The following CCZ1B variants were observed in gnomAD, a reference collection of about 807,000 sequenced individuals.
The protein encoded by CCZ1B is vacuolar fusion protein CCZ1 homolog B.
CCZ1B carries 25 observed loss-of-function variants against 58.8 expected under a neutral mutation model. The observed-to-expected ratio is 0.43, with a 90% confidence interval of 0.31 to 0.59. The LOEUF (loss-of-function observed/expected upper bound fraction) is 0.59. Ranked by LOEUF, CCZ1B falls within the 20% of genes least tolerant of loss-of-function variation. The pLI, the probability that CCZ1B is intolerant of heterozygous loss-of-function variation, is 0.12. For synonymous variants in CCZ1B, 66 were observed against 173.2 expected, an observed-to-expected ratio of 0.38 and a Z score of 4.86; for missense variants, 180 against 501.5, an observed-to-expected ratio of 0.36 and a Z score of 6.12.
intron 8 of CCZ1B, among the ~76,000 whole-genome samples, chr7:6,814,395 G>T (rs1782965115): frequency 6.7e-6 from 1 of 149,272 alleles, no homozygotes; most frequent in Non-Finnish European, 1.5e-5. Context: ...AATTAGCTGG[G>T]CGTGGTGGCG....
intron 7 of CCZ1B, among the ~76,000 whole-genome samples, chr7:6,819,269 C>G (rs1226772661): frequency 4.2e-5 from 6 of 142,346 alleles, no homozygotes; most frequent in Non-Finnish European, 9.0e-5. Flanking sequence ...CAGAGTCTCT[C>G]TCTGTTGCCA....
chr7:6,809,734 A>G (rs987062786), intron 10 of CCZ1B, among the ~76,000 whole-genome samples: 8 of 136,690 alleles, frequency 5.9e-5, no homozygotes, highest in Admixed American at 1.5e-4. Context: ...ACACCATGTG[A>G]TGAATGAAAC....
intron 12 of CCZ1B, among the ~76,000 whole-genome samples, chr7:6,804,671 C>T (rs1782811047): frequency 1.1e-5 from 1 of 90,168 alleles, no homozygotes; most frequent in Non-Finnish European, 2.2e-5. Flanking sequence ...ACAATCTGGG[C>T]TGGTGAAATG....
intron 3 of CCZ1B, 139 bp from the exon 4 acceptor site, chr7:6,824,305 TA>T (rs1266026671): frequency 2.0e-6 from 3 of 1,471,804 alleles, no homozygotes; most frequent in Non-Finnish European, 2.7e-6. Flanking sequence ...ATAAAGCAAA[TA>T]GGAAGAACTT....
intron 1 of CCZ1B, among the ~76,000 whole-genome samples, chr7:6,825,655 A>C (rs1783184114): frequency 8.1e-6 from 1 of 124,202 alleles, no homozygotes; most frequent in African/African-American, 3.2e-5. Context: ...ACACACACAC[A>C]CACACACACC....
Position 6,822,277 on chromosome 7 carries a change from T to C in CCZ1B, c.522+4A>G. 2 of 1,577,986 alleles carry C rather than the reference T, an allele frequency of 1.3e-6. No homozygotes were observed. Among genetic ancestry groups the C allele is most frequent in the South Asian group, 1.2e-5 (1 of 84,486 alleles). ...AAGTTATAAATGAAATTCAAAATAC[T>C]TACCCGATGGAAGAATTTCTCTAAT... On this transcript the variant is annotated splice_donor_region_variant and intron_variant, in intron 6 of 14. Coordinates refer to ENST00000316731, the MANE Select transcript of CCZ1B (RefSeq NM_198097.5).
rs1324444052 is a variant in CCZ1B, at chr7:6,822,543, T to C, written c.439-179A>G. 32 of 1,188,630 alleles carry C rather than the reference T, an allele frequency of 2.7e-5. 1 individual carries two copies. Among genetic ancestry groups the C allele is most frequent in the Non-Finnish European group, 2.5e-5 (22 of 890,516 alleles). 73.6% of individuals were successfully genotyped at this position (1,188,630 alleles called of 1,614,324 possible). A position where few individuals can be genotyped will look rare whatever the true frequency, so the allele number is the denominator to read the frequency against. On this transcript the variant is annotated intron_variant, in intron 5 of 14. Coordinates refer to ENST00000316731, the MANE Select transcript of CCZ1B (RefSeq NM_198097.5). Reference sequence around the variant, plus strand: ...TAAAAATGTAAGTTACAAAAAATACTGTTAAGTGATGCTGTTTTATGAAAC... The same window carrying C: ...TAAAAATGTAAGTTACAAAAAATACCGTTAAGTGATGCTGTTTTATGAAAC...
chr7:6,821,111 C>A (rs1038678898), intron 6 of CCZ1B, among the ~76,000 whole-genome samples: 2 of 148,228 alleles, frequency 1.3e-5, no homozygotes, highest in Non-Finnish European at 3.0e-5. Context: ...GGGGTTCAAG[C>A]GATTCTCCTG....
rs554990056 is a variant in CCZ1B, at chr7:6,822,178, G to C, written c.522+103C>G. The C allele has an allele frequency of 1.8e-5, 27 of 1,498,528 alleles. 3 individuals are homozygous for C. In the African/African-American group the frequency reaches 3.0e-4, roughly 17 times the overall value. The allele number at this position is 1,498,528 out of a possible 1,614,324, so 92.8% of individuals were successfully genotyped here. ...GTCTCAGGCTCTTTGCCACTTTCAA[G>C]TTCTGGGTTTTTTGTAGATAAGAAA... On this transcript the variant is annotated intron_variant, in intron 6 of 14. Coordinates refer to ENST00000316731, the MANE Select transcript of CCZ1B (RefSeq NM_198097.5).
intron 7 of CCZ1B, among the ~76,000 whole-genome samples, chr7:6,818,593 C>CA (rs1783048612): frequency 1.5e-3 from 155 of 105,540 alleles, no homozygotes; most frequent in Middle Eastern, 9.2e-3. Flanking sequence ...GAAAGACAGA[C>CA]AGAAAGAAAG....
intron 7 of CCZ1B, among the ~76,000 whole-genome samples, chr7:6,815,643 C>G (rs553071625): frequency 6.7e-6 from 1 of 148,800 alleles, no homozygotes; most frequent in African/African-American, 2.6e-5. Flanking sequence ...AGAGGCTCAC[C>G]ACCTGACCGC....
intron 14 of CCZ1B, among the ~76,000 whole-genome samples, 173 bp downstream of exon 14, chr7:6,800,775 G>C (rs564544481): frequency 3.9e-4 from 53 of 135,322 alleles, no homozygotes; most frequent in African/African-American, 1.5e-3. Context: ...GCTACAGGAA[G>C]GTCTTGTCAT....
chr7:6,815,704 A>G (rs1782989292), intron 7 of CCZ1B, among the ~76,000 whole-genome samples: 1 of 149,124 alleles, frequency 6.7e-6, no homozygotes, highest in East Asian at 1.9e-4. Context: ...CTGGAACTTT[A>G]TCCTGACCTG....
In CCZ1B at chr7:6,819,177, A is replaced by G. The variant is rs1243546444; in HGVS notation, c.698+589T>C. Among the ~76,000 whole-genome samples the G allele has an allele frequency of 2.8e-5, 4 of 143,644 alleles. No individual in the cohort carries two copies. In the South Asian group the frequency reaches 8.9e-4, roughly 32 times the overall value. 94.2% of individuals were successfully genotyped at this position (143,644 alleles called of 152,430 possible). A position where few individuals can be genotyped will look rare whatever the true frequency, so the allele number is the denominator to read the frequency against. On this transcript the variant is annotated intron_variant, in intron 7 of 14. Coordinates refer to ENST00000316731, the MANE Select transcript of CCZ1B (RefSeq NM_198097.5). ...AAAAATTCTGCTTTTAACATTTATCATTTCAGAAAAAAAAACTCCAAAATA... is the reference window on the plus strand; with the variant it reads ...AAAAATTCTGCTTTTAACATTTATCGTTTCAGAAAAAAAAACTCCAAAATA...
rs2711214 is a variant in CCZ1B, at chr7:6,810,160, C to T, written c.954+1792G>A. Among the ~76,000 whole-genome samples, 19 of 148,060 alleles carry T rather than the reference C, an allele frequency of 1.3e-4. 1 individual carries two copies. The highest frequency in any genetic ancestry group is 5.8e-4 in the East Asian group (3 of 5,174). The stretch of plus-strand genomic sequence containing the variant: ...CGGAGTAGCTGGGATTAGAGGCGTG[C>T]GCCACCTCACCTGGCTGATTTTTTG... On this transcript the variant is annotated intron_variant, in intron 10 of 14. Transcript: ENST00000316731.
At chr7:6,806,738 A>C (rs2115111749) in intron 10 of CCZ1B, 1 of 69,262 alleles carries the variant, frequency 1.4e-5, no homozygotes, top group African/African-American at 5.5e-5. Flanking sequence ...CAACAGCGTT[A>C]TCCTAACTCT....
Position 6,808,419 on chromosome 7 carries a change from CA to C in CCZ1B, c.955-2383del, listed in dbSNP as rs1782867432. 2.1e-5 allele frequency among the ~76,000 whole-genome samples: 3 copies of C among 145,858 alleles called. No individual in the cohort carries two copies. In the South Asian group the frequency reaches 6.5e-4, roughly 32 times the overall value. ...AAAAACAAAAAACAAAACAAAAACC[CA>C]AAAAACCAAACCAACCCAAACCAAC... On this transcript the variant is annotated intron_variant, in intron 10 of 14. Transcript: ENST00000316731.
chr7:6,820,044 A>T, intron 6 of CCZ1B, 103 bp from the exon 7 acceptor site: 4 of 1,338,208 alleles, frequency 3.0e-6, no homozygotes, highest in Non-Finnish European at 4.2e-6. Context: ...TTTATGGTAC[A>T]ATTACATACT....
Position 6,823,053 on chromosome 7 carries a change from T to C in CCZ1B, c.438+260A>G, listed in dbSNP as rs151338448. On this transcript the variant is annotated intron_variant, in intron 5 of 14. Coordinates refer to ENST00000316731, the MANE Select transcript of CCZ1B (RefSeq NM_198097.5). ...AAATTATCTGCATTCTGTATGTTCC[T>C]TGAGCACATAGATACACTTTTTCAT... Among the ~76,000 whole-genome samples the C allele has an allele frequency of 8.9e-3, 1,312 of 148,226 alleles. 61 individuals carry two copies. Among genetic ancestry groups the C allele is most frequent in the Middle Eastern group, 0.02 (6 of 294 alleles).
Sources: gnomAD v4.1 joint callset for allele counts (sites outside exome capture counted in the v4.1 genomes callset) on GRCh38, gnomAD v4.1.1 for gene constraint, MANE v1.5 for transcripts, NCBI Gene and HGNC (gene_info 2026-07-23, HGNC 2026-07-21) for gene names.